DRAXIN: variants seen among roughly 807,000 people sequenced by gnomAD.
DRAXIN encodes the protein dorsal inhibitory axon guidance protein, also known as dorsal repulsive axon guidance protein.
DRAXIN carries 27 observed loss-of-function variants against 33.9 expected under a neutral mutation model. The observed-to-expected ratio is 0.80, with a 90% confidence interval of 0.59 to 1.10. DRAXIN has a LOEUF of 1.10. DRAXIN is among the 50% of genes least tolerant of loss of function. The pLI, the probability that DRAXIN is intolerant of heterozygous loss-of-function variation, is 0.00. For missense variants in DRAXIN, 371 were observed against 460.8 expected (o/e 0.81, Z 1.78); for synonymous variants, 178 against 194.0 (o/e 0.92, Z 0.69).
intron 3 of DRAXIN, among the ~76,000 whole-genome samples, chr1:11,710,879 G>A (rs10458476): frequency 0.5 from 70,914 of 141,542 alleles, 17,784 homozygotes; most frequent in East Asian, 0.8. Flanking sequence ...CCAAGATCAC[G>A]CCACTGCACT....
At chr1:11,718,519 A>G (rs1173694799) in intron 6 of DRAXIN, among the ~76,000 whole-genome samples, 4 of 152,316 alleles carry the variant, frequency 2.6e-5, no homozygotes, top group Non-Finnish European at 4.4e-5. Flanking sequence ...GCTGAACTAC[A>G]GTGGTGCAAC....
At chr1:11,714,550 C>T (rs1641544828) in intron 5 of DRAXIN, among the ~76,000 whole-genome samples, 1 of 152,200 alleles carries the variant, frequency 6.6e-6, no homozygotes, top group Non-Finnish European at 1.5e-5. Context: ...AGATCAGTGA[C>T]CAGAATATTC....
chr1:11,713,540 C>G (rs932869029), intron 5 of DRAXIN, among the ~76,000 whole-genome samples: 2 of 152,216 alleles, frequency 1.3e-5, no homozygotes, highest in African/African-American at 4.8e-5. Context: ...TGTCCTAAAC[C>G]CTGGGGGCCC....
At chr1:11,693,121 C>T (rs556058302) in intron 1 of DRAXIN, among the ~76,000 whole-genome samples, 1 of 152,184 alleles carries the variant, frequency 6.6e-6, no homozygotes, top group East Asian at 1.9e-4. Flanking sequence ...ATACAGGCGT[C>T]CACACCCTTG....
At chr1:11,711,089 C>T (rs973525900) in intron 3 of DRAXIN, among the ~76,000 whole-genome samples, 6 of 152,076 alleles carry the variant, frequency 3.9e-5, no homozygotes, top group African/African-American at 1.2e-4. Flanking sequence ...GTCAGGAGTT[C>T]GAGACCAGCC....
Position 11,709,293 on chromosome 1 carries a change from G to C in DRAXIN, c.470G>C (p.Gly157Ala), listed in dbSNP as rs372426693. The change falls in exon 3 of 7, where the codon GGT becomes GCT. Residue 157 changes from glycine (G) to alanine (A), a missense_variant. Transcript: ENST00000294485. Reference protein sequence around the residue: ...RLHQGRALVRGPSSLMKKAEL... With the variant: ...RLHQGRALVRAPSSLMKKAEL... ...GTCTCAGGCCGAGCCTTGGTCCGAGGTCCCAGCTCCCTGATGAAGAAGGCA... is the reference window on the plus strand; with the variant it reads ...GTCTCAGGCCGAGCCTTGGTCCGAGCTCCCAGCTCCCTGATGAAGAAGGCA... 24 of 1,612,862 alleles carry C rather than the reference G, an allele frequency of 1.5e-5. No homozygotes were observed. Among genetic ancestry groups the C allele is most frequent in the Admixed American group, 5.0e-5 (3 of 59,852 alleles).
At position 11,704,577 on chromosome 1, in the gene DRAXIN, C is replaced by T. The variant is rs1285557172; in HGVS notation, c.-10-1672C>T. 6.6e-6 allele frequency among the ~76,000 whole-genome samples: 1 copy of T among 152,216 alleles called. No homozygotes were observed. Among genetic ancestry groups the T allele is most frequent in the Non-Finnish European group, 1.5e-5 (1 of 68,044 alleles). On this transcript the variant is annotated intron_variant, in intron 1 of 6. Transcript: ENST00000294485. This position sits in a 1 kb window ranked among gnomAD's most constrained non-coding sequence, Gnocchi z 4.6. ...GGAGGCAAGGCCAGTGGGACAGAGC[C>T]TTCCGTTGCTGGTGACGTGACCAGG...
chr1:11,710,117 G>A (rs143214849), intron 3 of DRAXIN, among the ~76,000 whole-genome samples: 125 of 150,418 alleles, frequency 8.3e-4, no homozygotes, highest in East Asian at 7.9e-3. Flanking sequence ...CTTGGGAGGC[G>A]GAGGCTGTAG....
intron 5 of DRAXIN, among the ~76,000 whole-genome samples, chr1:11,712,805 A>G (rs1305289578): frequency 1.3e-5 from 2 of 152,086 alleles, no homozygotes; most frequent in African/African-American, 4.8e-5. Context: ...AGGATGAGGC[A>G]GGAGAATCAA....
In DRAXIN at chr1:11,711,942, G is replaced by A. The variant is rs143337024; in HGVS notation, c.734G>A (p.Gly245Asp). 4,171 of 1,613,510 alleles carry A rather than the reference G, an allele frequency of 2.6e-3. 22 individuals are homozygous for A. Among genetic ancestry groups the A allele is most frequent in the Middle Eastern group, 0.018 (111 of 6,062 alleles). Residue 245 changes from glycine to aspartate, a missense_variant, in exon 4 of 7, where the codon GGT (glycine) becomes GAT (aspartate). Coordinates refer to ENST00000294485, the MANE Select transcript of DRAXIN (RefSeq NM_198545.4). ...GATTATGAAGACTTAAAACCTGATGGTTGGCCCTCTGCAAAGAAGAAAGGT... is the reference window on the plus strand; with the variant it reads ...GATTATGAAGACTTAAAACCTGATGATTGGCCCTCTGCAAAGAAGAAAGGT... ...WTDYEDLKPD[G>D]WPSAKKKEKH... is the part of the protein sequence containing the mutation.
intron 1 of DRAXIN, among the ~76,000 whole-genome samples, chr1:11,701,446 A>G (rs1534989): frequency 0.8 from 121,906 of 152,258 alleles, 49,552 homozygotes; most frequent in African/African-American, 0.95. Context: ...ATGAGATGTG[A>G]ATGAAAGAAA....
chr1:11,708,205 G>A (rs906556782), intron 2 of DRAXIN, among the ~76,000 whole-genome samples: 4 of 152,224 alleles, frequency 2.6e-5, no homozygotes, highest in Non-Finnish European at 4.4e-5. Flanking sequence ...CTCCGGCTCC[G>A]CCAGCTCCAG....
In DRAXIN at chr1:11,691,740, C is replaced by T; in HGVS notation, c.-124C>T. 6.7e-6 allele frequency: 1 copy of T among 150,374 alleles called. No homozygotes were observed. Among genetic ancestry groups the T allele is most frequent in the Non-Finnish European group, 1.5e-5 (1 of 67,448 alleles). 9.3% of individuals were successfully genotyped at this position (150,374 alleles called of 1,614,324 possible). A position where few individuals can be genotyped will look rare whatever the true frequency, so the allele number is the denominator to read the frequency against. The stretch of plus-strand genomic sequence containing the variant: ...CGCTCAGCCCGGGCACATCCTCCGG[C>T]TGCCCGCGCACCTCTCCACGCCGGC... On this transcript the variant is annotated 5_prime_UTR_variant, in exon 1 of 7. Transcript: ENST00000294485.
chr1:11,700,360 T>C (rs546955948), intron 1 of DRAXIN, among the ~76,000 whole-genome samples: 82 of 152,378 alleles, frequency 5.4e-4, no homozygotes, highest in Non-Finnish European at 6.8e-4. Flanking sequence ...CTGGCTTTGA[T>C]TATTCACGTT....
upstream of DRAXIN, among the ~76,000 whole-genome samples, chr1:11,690,004 C>T (rs1289566688): frequency 1.3e-5 from 2 of 151,996 alleles, no homozygotes; most frequent in Non-Finnish European, 2.9e-5. This position sits in a 1 kb window ranked among gnomAD's most constrained non-coding sequence, Gnocchi z 4.2. Context: ...TGGCTCATTA[C>T]CTCCTTTTCT....
At chr1:11,714,244 G>T (rs570409680) in intron 5 of DRAXIN, among the ~76,000 whole-genome samples, 42 of 152,088 alleles carry the variant, frequency 2.8e-4, no homozygotes, top group Middle Eastern at 3.4e-3. Context: ...TTATTTTGGG[G>T]TGGGCTAGGG....
At chr1:11,715,032 G>A in intron 5 of DRAXIN, 87 bp from the exon 6 acceptor site, 1 of 1,483,938 alleles carries the variant, frequency 6.7e-7, no homozygotes, top group South Asian at 1.1e-5. Flanking sequence ...CAGAGATGAT[G>A]GATCTCTTGT....
chr1:11,706,829 C>T lies in DRAXIN; in HGVS notation c.451+120C>T. 8.4e-7 allele frequency: 1 copy of T among 1,192,340 alleles called. No individual in the cohort carries two copies. The highest frequency in any genetic ancestry group is 1.1e-6 in the Non-Finnish European group (1 of 882,900). The allele number at this position is 1,192,340 out of a possible 1,614,324, so 73.9% of individuals were successfully genotyped here. On this transcript the variant is annotated intron_variant, in intron 2 of 6. Coordinates refer to ENST00000294485, the MANE Select transcript of DRAXIN (RefSeq NM_198545.4). This position sits in a 1 kb window ranked among gnomAD's most constrained non-coding sequence, Gnocchi z 5.5. ...GGTCCAGAGGAGAGGAGGGGTCTCA[C>T]TGAAGCCAGAGGGACCTGGTAAGGG...
At chr1:11,713,286 C>T (rs990624315) in intron 5 of DRAXIN, among the ~76,000 whole-genome samples, 1 of 152,196 alleles carries the variant, frequency 6.6e-6, no homozygotes, top group African/African-American at 2.4e-5. Flanking sequence ...CAAGGTCACA[C>T]GGTTAAGAAG....
Sources: gnomAD v4.1 joint callset for allele counts (sites outside exome capture counted in the v4.1 genomes callset) on GRCh38, gnomAD v4.1.1 for gene constraint, Gnocchi (gnomAD v3.1) non-coding constraint, MANE v1.5 for transcripts, NCBI Gene and HGNC (gene_info 2026-07-23, HGNC 2026-07-21) for gene names.